The following PPP5C variants were observed in gnomAD, a reference collection of about 807,000 sequenced individuals.
PPP5C encodes serine/threonine-protein phosphatase 5.
A neutral mutation model predicts 66.7 loss-of-function variants in PPP5C; 21 were observed. That is an observed-to-expected ratio of 0.31 (90% CI 0.22 to 0.45). The LOEUF (loss-of-function observed/expected upper bound fraction) is 0.45. Ranked by LOEUF, PPP5C falls within the 20% of genes least tolerant of loss-of-function variation. The pLI, the probability that PPP5C is intolerant of heterozygous loss-of-function variation, is 1.00. For missense variants in PPP5C, 464 were observed against 675.9 expected, an observed-to-expected ratio of 0.69 and a Z score of 3.48; for synonymous variants, 246 against 257.4, an observed-to-expected ratio of 0.96 and a Z score of 0.43.
intron 2 of PPP5C, among the ~76,000 whole-genome samples, chr19:46,369,631 C>CAAA (rs34783979): frequency 6.7e-5 from 8 of 119,164 alleles, no homozygotes; most frequent in Admixed American, 8.9e-5. Context: ...GACTCTGTCT[C>CAAA]AAAAAAAAAA....
chr19:46,360,657 C>T (rs966677717), intron 2 of PPP5C, among the ~76,000 whole-genome samples: 1 of 152,144 alleles, frequency 6.6e-6, no homozygotes, highest in Non-Finnish European at 1.5e-5. Flanking sequence ...TGTGCCACCA[C>T]ACCCCGCTAA....
At chr19:46,379,000 C>T (rs1321568742) in intron 4 of PPP5C, among the ~76,000 whole-genome samples, 1 of 152,142 alleles carries the variant, frequency 6.6e-6, no homozygotes, top group Non-Finnish European at 1.5e-5. Flanking sequence ...TCTCCTGCCT[C>T]AGCCTCCAGA....
In PPP5C at chr19:46,390,422, C is replaced by T. The variant is rs1176858673; in HGVS notation, c.*76C>T. On this transcript the variant is annotated 3_prime_UTR_variant, in exon 13 of 13. Transcript: ENST00000012443. ...CCCAGGCCCTGGGCTAGGGGCAGAG[C>T]AGGCCCCGCCCCAGGGCAATGTTGG... 1.3e-6 allele frequency: 2 copies of T among 1,544,496 alleles called. No individual in the cohort carries two copies. Among genetic ancestry groups the T allele is most frequent in the Non-Finnish European group, 1.7e-6 (2 of 1,143,798 alleles).
Position 46,376,399 on chromosome 19 carries a change from T to C in PPP5C, c.512-54T>C. On this transcript the variant is annotated intron_variant, in intron 3 of 12. Transcript: ENST00000012443. This position sits in a 1 kb window ranked among gnomAD's most constrained non-coding sequence, Gnocchi z 5.1. ...CATCCCTGGGAGCGAGACCCCCTTCTCCCTCATAGTGGCTGTGGTCACTGA... is the reference window on the plus strand; with the variant it reads ...CATCCCTGGGAGCGAGACCCCCTTCCCCCTCATAGTGGCTGTGGTCACTGA... 6.3e-7 allele frequency: 1 copy of C among 1,598,012 alleles called. No individual in the cohort carries two copies. Among genetic ancestry groups the C allele is most frequent in the Non-Finnish European group, 8.5e-7 (1 of 1,170,120 alleles).
intron 11 of PPP5C, 126 bp from the exon 12 acceptor site, chr19:46,389,925 T>A: frequency 1.4e-6 from 1 of 714,394 alleles, no homozygotes; most frequent in Non-Finnish European, 2.4e-6. Flanking sequence ...TCTCTGTCCA[T>A]CTGTGTCTGT....
intron 2 of PPP5C, among the ~76,000 whole-genome samples, chr19:46,372,438 C>T (rs1972610354): frequency 6.6e-6 from 1 of 152,140 alleles, no homozygotes; most frequent in African/African-American, 2.4e-5. Flanking sequence ...GTCTTGAACT[C>T]CTGAGCTCAA....
At chr19:46,367,049 G>T (rs187344822) in intron 2 of PPP5C, among the ~76,000 whole-genome samples, 97 of 152,300 alleles carry the variant, frequency 6.4e-4, no homozygotes, top group Admixed American at 2.7e-3. Flanking sequence ...TTCAGATAGG[G>T]TGTGGTTACA....
rs1972686464 is a variant in PPP5C at position 46,375,874 on chromosome 19, T to C, written c.511+123T>C. 3 of 1,431,206 alleles carry C rather than the reference T, an allele frequency of 2.1e-6. No homozygotes were observed. In the Admixed American group the frequency reaches 8.1e-5, roughly 39 times the overall value. 88.7% of individuals were successfully genotyped at this position (1,431,206 alleles called of 1,614,324 possible). On this transcript the variant is annotated intron_variant, in intron 3 of 12. Transcript: ENST00000012443. ...TGTTCTGTCCCCAGGCTGGTGTCTG[T>C]CGCTCCTCTGCCTGTGTTCCAGGGC...
rs1342708187 is a variant in PPP5C at position 46,360,909 on chromosome 19, A to T, written c.363+6920A>T. Reference sequence around the variant, plus strand: ...TAGTCATTCATTTAGCCAAAGTGTTAATTAGAAGATTTCAAAAAGCAAAAA... The same window carrying T: ...TAGTCATTCATTTAGCCAAAGTGTTTATTAGAAGATTTCAAAAAGCAAAAA... On this transcript the variant is annotated intron_variant, in intron 2 of 12. Transcript: ENST00000012443. Among the ~76,000 whole-genome samples, 6 of 152,176 alleles carry T rather than the reference A, an allele frequency of 3.9e-5. No homozygotes were observed. In the South Asian group the frequency reaches 1.2e-3, roughly 31 times the overall value.
chr19:46,383,245 G>A lies in PPP5C; in HGVS notation c.634-166G>A, dbSNP rs558547923. ...CCACAGAAGCCTGCGGCTGCCTCCG[G>A]CCCCGCCTGCTCCCGCTCCCCCAGG... is the stretch of plus-strand genomic sequence containing the variant. On this transcript the variant is annotated intron_variant, in intron 4 of 12. Coordinates refer to ENST00000012443, the MANE Select transcript of PPP5C (RefSeq NM_006247.4). This position sits in a 1 kb window ranked among gnomAD's most constrained non-coding sequence, Gnocchi z 5.0. The A allele has an allele frequency of 1.5e-5, 23 of 1,541,932 alleles. No individual in the cohort carries two copies. In the South Asian group the frequency reaches 2.4e-4, roughly 16 times the overall value.
chr19:46,349,974 T>A (rs1276000628), intron 1 of PPP5C, among the ~76,000 whole-genome samples: 5 of 135,320 alleles, frequency 3.7e-5, no homozygotes, highest in Admixed American at 2.4e-4. Flanking sequence ...TTGCAGGGAG[T>A]AGATTGCGCA....
In PPP5C at chr19:46,390,378, C is replaced by T; in HGVS notation, c.*32C>T. ...GGGCGGGGCGGCCTGCATCCCAGGG[C>T]CCCTCCAATCCCACCGGACCCAGGC... is the stretch of plus-strand genomic sequence containing the variant. On this transcript the variant is annotated 3_prime_UTR_variant, in exon 13 of 13. Transcript: ENST00000012443. 4.5e-6 allele frequency: 7 copies of T among 1,555,134 alleles called. No individual in the cohort carries two copies. Among genetic ancestry groups the T allele is most frequent in the Non-Finnish European group, 6.1e-6 (7 of 1,149,338 alleles).
chr19:46,364,827 T>C (rs1446618292), intron 2 of PPP5C, among the ~76,000 whole-genome samples: 1 of 151,944 alleles, frequency 6.6e-6, no homozygotes, highest in Non-Finnish European at 1.5e-5. Flanking sequence ...CCATTGCACT[T>C]TGGGGTATCT....
At position 46,376,445 on chromosome 19, in the gene PPP5C, C is replaced by T; in HGVS notation, c.512-8C>T. On this transcript the variant is annotated splice_polypyrimidine_tract_variant and splice_region_variant and intron_variant, in intron 3 of 12. Coordinates refer to ENST00000012443, the MANE Select transcript of PPP5C (RefSeq NM_006247.4). The surrounding 1 kb of genome is among the most constrained non-coding windows in gnomAD (Gnocchi z 5.1). ...ACTGACTCTCGTGTCCCGTTGTTCACACCCTAGCCATTGAGGATGAGTACA... is the reference window on the plus strand; with the variant it reads ...ACTGACTCTCGTGTCCCGTTGTTCATACCCTAGCCATTGAGGATGAGTACA... 6.2e-7 allele frequency: 1 copy of T among 1,613,094 alleles called. No homozygotes were observed. Among genetic ancestry groups the T allele is most frequent in the Non-Finnish European group, 8.5e-7 (1 of 1,179,380 alleles).
chr19:46,386,928 A>C, intron 7 of PPP5C, 165 bp from the exon 8 acceptor site: 1 of 951,078 alleles, frequency 1.1e-6, no homozygotes, highest in South Asian at 1.6e-5. Flanking sequence ...CTTTTTGTCA[A>C]GATTCCCCCC....
chr19:46,388,858 C>A lies in PPP5C; in HGVS notation c.1355+127C>A. The A allele has an allele frequency of 1.7e-6, 2 of 1,187,190 alleles. No homozygotes were observed. The highest frequency in any genetic ancestry group is 2.4e-6 in the Non-Finnish European group (2 of 848,872). The allele number at this position is 1,187,190 out of a possible 1,614,324, so 73.5% of individuals were successfully genotyped here. On this transcript the variant is annotated intron_variant, in intron 11 of 12. Coordinates refer to ENST00000012443, the MANE Select transcript of PPP5C (RefSeq NM_006247.4). This position sits in a 1 kb window ranked among gnomAD's most constrained non-coding sequence, Gnocchi z 4.9. ...AGAGCAGATAAAAGAACATGACGAA[C>A]ACCCCCGTATGTGTCACCCACCCAT...
chr19:46,387,725 C>A (rs1972916224), intron 9 of PPP5C: 1 of 1,378,842 alleles, frequency 7.3e-7, no homozygotes, highest in African/African-American at 1.4e-5. Flanking sequence ...AGCTGTGGAA[C>A]CCTGGAAGGA....
At chr19:46,385,503 G>C (rs911673271) in intron 7 of PPP5C, among the ~76,000 whole-genome samples, 10 of 152,190 alleles carry the variant, frequency 6.6e-5, no homozygotes, top group African/African-American at 1.7e-4. Flanking sequence ...AAAAAGGCCA[G>C]GCGCAGTGGC....
rs560516526 is a variant in PPP5C, at chr19:46,347,352, C to T, written c.121+135C>T. On this transcript the variant is annotated intron_variant, in intron 1 of 12. Coordinates refer to ENST00000012443, the MANE Select transcript of PPP5C (RefSeq NM_006247.4). ...CCAAGTGACCGGGCGTGGGGAGGCC[C>T]AGGATGGCGCTGCCAAGGAGCGACA... is the stretch of plus-strand genomic sequence containing the variant. The T allele has an allele frequency of 4.5e-6, 6 of 1,345,996 alleles. No individual in the cohort carries two copies. In the South Asian group the frequency reaches 9.3e-5, roughly 21 times the overall value. 83.4% of individuals were successfully genotyped at this position (1,345,996 alleles called of 1,614,324 possible). A position where few individuals can be genotyped will look rare whatever the true frequency, so the allele number is the denominator to read the frequency against.
Sources: gnomAD v4.1 joint callset for allele counts (sites outside exome capture counted in the v4.1 genomes callset) on GRCh38, gnomAD v4.1.1 for gene constraint, Gnocchi (gnomAD v3.1) non-coding constraint, MANE v1.5 for transcripts, NCBI Gene and HGNC (gene_info 2026-07-23, HGNC 2026-07-21) for gene names.